OXTR: variants seen among roughly 807,000 people sequenced by gnomAD.
The protein encoded by OXTR is oxytocin receptor.
Under a neutral mutation model 23.9 loss-of-function variants are expected in OXTR, and 19 were observed. That is an observed-to-expected ratio of 0.80 (90% CI 0.56 to 1.17). The LOEUF is 1.17. Ranked by LOEUF, OXTR falls within the 50% of genes most tolerant of loss-of-function variation. The pLI is 0.00. For synonymous variants in OXTR, 278 were observed against 250.5 expected (o/e 1.11, Z -1.04); for missense variants, 500 against 550.7 (o/e 0.91, Z 0.92).
In OXTR at chr3:8,767,575, T is replaced by C; in HGVS notation, c.613A>G (p.Thr205Ala). The change falls in exon 3 of 4, where the codon ACG becomes GCG. Residue 205 changes from threonine (T) to alanine (A), a missense_variant. By Grantham distance (58) the Thr-to-Ala change is moderately conservative. Transcript: ENST00000316793. ...ACCGGCACGATGTAGACAGCTAGCG[T>C]GATCCATGTGATGTAGGCCTTGGGT... is the stretch of plus-strand genomic sequence containing the variant. ...WGPKAYITWI[T>A]LAVYIVPVIV... 1 of 1,613,462 alleles carries C rather than the reference T, an allele frequency of 6.2e-7. No homozygotes were observed. Among genetic ancestry groups the C allele is most frequent in the East Asian group, 2.2e-5 (1 of 44,832 alleles).
intron 3 of OXTR, among the ~76,000 whole-genome samples, chr3:8,762,306 T>A (rs1708505073): frequency 6.6e-6 from 1 of 152,134 alleles, no homozygotes; most frequent in Non-Finnish European, 1.5e-5. Context: ...AGCTTTTGAG[T>A]TTTTTGATTT....
rs2124993398 is a variant in OXTR at position 8,752,201 on chromosome 3, A to G, written c.*776T>C. 6.6e-6 allele frequency: 1 copy of G among 151,600 alleles called. No individual in the cohort carries two copies. Among genetic ancestry groups the G allele is most frequent in the South Asian group, 2.1e-4 (1 of 4,780 alleles). The allele number at this position is 151,600 out of a possible 1,614,324, so 9.4% of individuals were successfully genotyped here. ...TTGTATATTGATCTTGTATCTTGAAACCTTGCGGAACTTGCTTATTAGTTC... is the reference window on the plus strand; with the variant it reads ...TTGTATATTGATCTTGTATCTTGAAGCCTTGCGGAACTTGCTTATTAGTTC... On this transcript the variant is annotated 3_prime_UTR_variant, in exon 4 of 4. Transcript: ENST00000316793.
chr3:8,745,760 A>G (rs1398304126), downstream of OXTR: 3 of 1,614,112 alleles, frequency 1.9e-6, no homozygotes, highest in Non-Finnish European at 2.5e-6. This position sits in a 1 kb window ranked among gnomAD's most constrained non-coding sequence, Gnocchi z 4.8. Flanking sequence ...GATCCAGTGC[A>G]TCAGCCACAT....
chr3:8,755,354 A>G (rs1214485317), intron 3 of OXTR, among the ~76,000 whole-genome samples: 3 of 152,278 alleles, frequency 2.0e-5, no homozygotes, highest in Non-Finnish European at 4.4e-5. Context: ...GCAATGAGGT[A>G]GGAGGAAGCA....
chr3:8,745,922 C>A, downstream of OXTR: 1 of 1,455,476 alleles, frequency 6.9e-7, no homozygotes, highest in Non-Finnish European at 9.5e-7. The surrounding 1 kb of genome is among the most constrained non-coding windows in gnomAD (Gnocchi z 4.8). Context: ...CAGACTGGTC[C>A]CCGGGGGACT....
At position 8,760,303 on chromosome 3, in the gene OXTR, G is replaced by C. The variant is rs148047237; in HGVS notation, c.922+6963C>G. ...GCAGAAACTGTGGGTGTCCCTCCCAGAGGTCTGTGGGTGTACCCAGAACTC... is the reference window on the plus strand; with the variant it reads ...GCAGAAACTGTGGGTGTCCCTCCCACAGGTCTGTGGGTGTACCCAGAACTC... On this transcript the variant is annotated intron_variant, in intron 3 of 3. Transcript: ENST00000316793. 4.1e-3 allele frequency among the ~76,000 whole-genome samples: 621 copies of C among 152,324 alleles called. 3 individuals are homozygous for C. The highest frequency in any genetic ancestry group is 6.5e-3 in the Non-Finnish European group (443 of 68,034).
downstream of OXTR, among the ~76,000 whole-genome samples, chr3:8,747,116 T>A (rs1438539432): frequency 6.6e-6 from 1 of 152,068 alleles, no homozygotes; most frequent in African/African-American, 2.4e-5. Flanking sequence ...TCCACAGCAC[T>A]TGTCAGGTTT....
At chr3:8,748,178 C>A (rs1054174172), downstream of OXTR, among the ~76,000 whole-genome samples, 1 of 152,184 alleles carries the variant, frequency 6.6e-6, no homozygotes, top group African/African-American at 2.4e-5. Context: ...GTGTTTGATT[C>A]AGTAGTGGGG....
At position 8,752,715 on chromosome 3, in the gene OXTR, C is replaced by G. The variant is rs200310006; in HGVS notation, c.*262G>C. ...GAAATTACAAGTCCAGGAGAAAAAA[C>G]AAGCCACTCACTGCCCAGGGCAGCA... On this transcript the variant is annotated 3_prime_UTR_variant, in exon 4 of 4. Coordinates refer to ENST00000316793, the MANE Select transcript of OXTR (RefSeq NM_000916.4). The G allele has an allele frequency of 2.3e-6, 1 of 440,264 alleles. No individual in the cohort carries two copies. Among genetic ancestry groups the G allele is most frequent in the Non-Finnish European group, 4.0e-6 (1 of 248,326 alleles). 27.3% of individuals were successfully genotyped at this position (440,264 alleles called of 1,614,324 possible).
chr3:8,753,102 C>A lies in OXTR; in HGVS notation c.1045G>T (p.Ala349Ser). ...AGGCGTCTGCCCTTCAGGTAGCTGG[C>A]GGAGCAGCACAGGAAGCGCTGCACG... ...ELVQRFLCCS[A>S]SYLKGRRLGE... is the part of the protein sequence containing the mutation. Residue 349 changes from alanine (A) to serine (S), a missense_variant, in exon 4 of 4, where the codon GCC becomes TCC. Coordinates refer to ENST00000316793, the MANE Select transcript of OXTR (RefSeq NM_000916.4). The A allele has an allele frequency of 6.2e-7, 1 of 1,614,088 alleles. No individual in the cohort carries two copies.
In OXTR at chr3:8,753,071, T is replaced by C. The variant is rs1304406777; in HGVS notation, c.1076A>G (p.Glu359Gly). 6.2e-7 allele frequency: 1 copy of C among 1,614,014 alleles called. No individual in the cohort carries two copies. Among genetic ancestry groups the C allele is most frequent in the South Asian group, 1.1e-5 (1 of 91,066 alleles). Residue 359 changes from glutamate to glycine, a missense_variant, in exon 4 of 4, where the codon GAG becomes GGG. By Grantham distance (98) the Glu-to-Gly change is moderately conservative. Coordinates refer to ENST00000316793, the MANE Select transcript of OXTR (RefSeq NM_000916.4). ...GTTGCTCTTTTTGCTGGCACTCGTC[T>C]CTCCCAGGCGTCTGCCCTTCAGGTA... ...ASYLKGRRLG[E>G]TSASKKSNSS... is the part of the protein sequence containing the mutation.
chr3:8,741,971 C>G, the OXTR span, among the ~76,000 whole-genome samples: 2 of 152,292 alleles, frequency 1.3e-5, no homozygotes, highest in Admixed American at 1.3e-4. Context: ...CCCTCCAGCC[C>G]CTCTCTCCAA....
In OXTR at chr3:8,755,613, T is replaced by C. The variant is rs138885311; in HGVS notation, c.923-2389A>G. On this transcript the variant is annotated intron_variant, in intron 3 of 3. Transcript: ENST00000316793. ...GTCTGGGTGGGAGAAGTCTGGCCAG[T>C]GCCTCTGATCCCACCTGGTGGCCAC... is the stretch of plus-strand genomic sequence containing the variant. 2.6e-3 allele frequency among the ~76,000 whole-genome samples: 394 copies of C among 152,300 alleles called. 3 individuals carry two copies. The highest frequency in any genetic ancestry group is 7.4e-3 in the African/African-American group (309 of 41,574).
At chr3:8,763,521 A>C (rs1165019897) in intron 3 of OXTR, among the ~76,000 whole-genome samples, 1 of 152,152 alleles carries the variant, frequency 6.6e-6, no homozygotes, top group Non-Finnish European at 1.5e-5. Context: ...CCTCATCCTC[A>C]TCTCCTCCCT....
rs765515891 is a variant in OXTR at position 8,751,609 on chromosome 3, G to T, written c.*1368C>A. ...CATTCTTTTGCACTTGCATATCATT[G>T]TCTCGGTGCCATTTGTTGAAAAGAC... On this transcript the variant is annotated 3_prime_UTR_variant, in exon 4 of 4. Coordinates refer to ENST00000316793, the MANE Select transcript of OXTR (RefSeq NM_000916.4). 6.6e-6 allele frequency: 1 copy of T among 151,848 alleles called. No individual in the cohort carries two copies. Among genetic ancestry groups the T allele is most frequent in the Non-Finnish European group, 1.5e-5 (1 of 67,956 alleles). The allele number at this position is 151,848 out of a possible 1,614,324, so 9.4% of individuals were successfully genotyped here.
chr3:8,755,720 C>T (rs1481482885), intron 3 of OXTR, among the ~76,000 whole-genome samples: 3 of 152,174 alleles, frequency 2.0e-5, no homozygotes, highest in Admixed American at 1.3e-4. Context: ...GTTACTAACA[C>T]TAAGGGCACA....
At position 8,753,171 on chromosome 3, in the gene OXTR, G is replaced by T; in HGVS notation, c.976C>A (p.Pro326Thr). 6.2e-7 allele frequency: 1 copy of T among 1,614,174 alleles called. No individual in the cohort carries two copies. The highest frequency in any genetic ancestry group is 2.2e-5 in the East Asian group (1 of 44,876). Residue 326 changes from proline to threonine, a missense_variant, in exon 4 of 4, where the codon CCC becomes ACC. Physicochemically the swap from Pro to Thr is conservative, Grantham distance 38 (BLOSUM62 -1). Transcript: ENST00000316793. ...CCCGTGAACAGCATGTAGATCCAGG[G>T]GTTGCAGCAGCTGTTGAGGCTGGCC... is the stretch of plus-strand genomic sequence containing the variant. Reference protein sequence around the residue: ...LLASLNSCCNPWIYMLFTGHL... With the variant: ...LLASLNSCCNTWIYMLFTGHL...
At chr3:8,766,762 C>T (rs1203287959) in intron 3 of OXTR, among the ~76,000 whole-genome samples, 1 of 152,200 alleles carries the variant, frequency 6.6e-6, no homozygotes, top group East Asian at 1.9e-4. Context: ...CAAGGCTGTC[C>T]TTGTCCAAAC....
Position 8,768,127 on chromosome 3 carries a change from G to T in OXTR, c.61C>A (p.Pro21Thr). The change falls in exon 3 of 4, where the codon CCG (proline) becomes ACG (threonine). Residue 21 changes from proline (P) to threonine (T), a missense_variant. Coordinates refer to ENST00000316793, the MANE Select transcript of OXTR (RefSeq NM_000916.4). This position sits in a 1 kb window ranked among gnomAD's most constrained non-coding sequence, Gnocchi z 5.4. ...GCGGTGCGGTTGCCCTCGGCCCCCG[G>T]CGGCGCGGCGCTGGCGTTGGCTGCC... ...AEAANASAAP[P>T]GAEGNRTAGP... 1 of 1,355,738 alleles carries T rather than the reference G, an allele frequency of 7.4e-7. No individual in the cohort carries two copies. The highest frequency in any genetic ancestry group is 1.9e-5 in the South Asian group (1 of 52,180). 84.0% of individuals were successfully genotyped at this position (1,355,738 alleles called of 1,614,324 possible).
Sources: gnomAD v4.1 joint callset for allele counts (sites outside exome capture counted in the v4.1 genomes callset) on GRCh38, gnomAD v4.1.1 for gene constraint, Gnocchi (gnomAD v3.1) non-coding constraint, MANE v1.5 for transcripts, NCBI Gene and HGNC (gene_info 2026-07-23, HGNC 2026-07-21) for gene names.